The following PDE11A variants were observed in gnomAD, a reference collection of about 807,000 sequenced individuals.
PDE11A encodes phosphodiesterase 11A.
In PDE11A, 100 loss-of-function variants were observed where a neutral mutation model predicts 100.5. That is an observed-to-expected ratio of 1.00 (90% CI 0.85 to 1.18). The LOEUF (loss-of-function observed/expected upper bound fraction) is 1.18. PDE11A is among the 50% of genes most tolerant of loss of function. PDE11A has a pLI of 0.00. For synonymous variants in PDE11A, 381 were observed against 420.8 expected (o/e 0.91, Z 1.16); for missense variants, 1,141 against 1,152.6 (o/e 0.99, Z 0.15).
chr2:177,700,272 T>TA (rs113675101), intron 14 of PDE11A, among the ~76,000 whole-genome samples: 1 of 151,604 alleles, frequency 6.6e-6, no homozygotes, highest in East Asian at 1.9e-4. Context: ...AGGCTGGAGG[T>TA]AAAAAACCTC....
chr2:178,046,645 G>C (rs1248898534), intron 1 of PDE11A, among the ~76,000 whole-genome samples: 1 of 152,152 alleles, frequency 6.6e-6, no homozygotes, highest in African/African-American at 2.4e-5. Context: ...TTTCAAGTCA[G>C]GCAGGGCTGA....
intron 1 of PDE11A, among the ~76,000 whole-genome samples, chr2:178,036,734 T>C (rs2086619542): frequency 6.6e-6 from 1 of 152,190 alleles, no homozygotes; most frequent in Admixed American, 6.5e-5. Context: ...TACAATCATC[T>C]GATTTTCAAC....
intron 9 of PDE11A, among the ~76,000 whole-genome samples, chr2:177,786,223 C>T (rs558649815): frequency 2.0e-5 from 3 of 152,326 alleles, no homozygotes; most frequent in Admixed American, 6.5e-5. Context: ...GCAGCATTCG[C>T]GGTTCATGAA....
chr2:177,811,090 C>T (rs2082943240), intron 9 of PDE11A, among the ~76,000 whole-genome samples: 2 of 152,148 alleles, frequency 1.3e-5, no homozygotes, highest in South Asian at 4.1e-4. Flanking sequence ...CTGTGAAAGA[C>T]ACCCCAAAGG....
intron 6 of PDE11A, among the ~76,000 whole-genome samples, chr2:177,828,976 T>C (rs2083267330): frequency 6.6e-6 from 1 of 151,316 alleles, no homozygotes; most frequent in Admixed American, 6.6e-5. Flanking sequence ...GATTTGTACA[T>C]GAAATAGTAC....
chr2:177,734,583 G>A (rs1294752761), intron 10 of PDE11A, among the ~76,000 whole-genome samples: 1 of 152,082 alleles, frequency 6.6e-6, no homozygotes, highest in Non-Finnish European at 1.5e-5. Context: ...CCTTGTAGTT[G>A]CCTAGAACAC....
intron 2 of PDE11A, among the ~76,000 whole-genome samples, chr2:177,929,950 CA>C (rs1376592447): frequency 6.6e-6 from 1 of 152,124 alleles, no homozygotes; most frequent in Non-Finnish European, 1.5e-5. Flanking sequence ...TTATAATAAA[CA>C]AAATACACTC....
At chr2:177,966,288 C>G (rs2085696632) in intron 2 of PDE11A, among the ~76,000 whole-genome samples, 1 of 152,124 alleles carries the variant, frequency 6.6e-6, no homozygotes, top group Non-Finnish European at 1.5e-5. Flanking sequence ...GGTATAAAAT[C>G]ATATCATCTG....
chr2:177,789,491 C>T (rs1338627892), intron 9 of PDE11A, among the ~76,000 whole-genome samples: 2 of 151,564 alleles, frequency 1.3e-5, no homozygotes, highest in Non-Finnish European at 2.9e-5. Context: ...GACAGGGATG[C>T]CCTCTGTCAC....
chr2:178,087,495 C>A (rs182754963), intron 2 of PDE11A, among the ~76,000 whole-genome samples: 1 of 152,122 alleles, frequency 6.6e-6, no homozygotes, highest in African/African-American at 2.4e-5. Context: ...AGACAAAAAC[C>A]TCATGCTGTC....
chr2:177,791,068 C>T (rs535991090), intron 9 of PDE11A, among the ~76,000 whole-genome samples: 5 of 152,106 alleles, frequency 3.3e-5, no homozygotes, highest in Non-Finnish European at 7.4e-5. Flanking sequence ...AATCATGGTG[C>T]TATAAAGACA....
intron 1 of PDE11A, 93 bp downstream of exon 1, chr2:178,071,433 A>C: frequency 6.5e-7 from 1 of 1,538,592 alleles, no homozygotes; most frequent in South Asian, 1.1e-5. Flanking sequence ...TAAAGAGCCT[A>C]AATTAATGTG....
intron 2 of PDE11A, among the ~76,000 whole-genome samples, chr2:177,957,156 C>A (rs1476310306): frequency 6.6e-6 from 1 of 152,024 alleles, no homozygotes. Context: ...AAAATTATGT[C>A]ATCAACTGCA....
chr2:177,658,650 C>T (rs1203006432), intron 19 of PDE11A, among the ~76,000 whole-genome samples: 2 of 151,706 alleles, frequency 1.3e-5, no homozygotes, highest in Middle Eastern at 3.5e-3. Context: ...CTATCTCTTC[C>T]TTTCATCCAC....
chr2:177,755,224 G>A (rs73030354), intron 10 of PDE11A, among the ~76,000 whole-genome samples: 8,153 of 152,270 alleles, frequency 0.054, 228 homozygotes, highest in Middle Eastern at 0.14. Flanking sequence ...AAATCAGGGT[G>A]AGCATCAGTG....
chr2:177,961,670 T>C (rs2085635139), intron 2 of PDE11A, among the ~76,000 whole-genome samples: 1 of 152,168 alleles, frequency 6.6e-6, no homozygotes, highest in African/African-American at 2.4e-5. Flanking sequence ...AATTCCCACA[T>C]TTTTACTTAC....
Position 178,055,015 on chromosome 2 carries a change from A to G in PDE11A, c.912+16511T>C, listed in dbSNP as rs1040973652. 6.4e-4 allele frequency among the ~76,000 whole-genome samples: 97 copies of G among 152,352 alleles called. 1 individual carries two copies. Among genetic ancestry groups the G allele is most frequent in the African/African-American group, 2.2e-3 (91 of 41,570 alleles). ...TTACTGAGTATATACCCAAAGGATT[A>G]TAAATCATGCTGCTATAAAGACACA... On this transcript the variant is annotated intron_variant, in intron 1 of 19. Coordinates refer to ENST00000286063, the MANE Select transcript of PDE11A (RefSeq NM_016953.4).
chr2:177,730,279 A>C (rs1421316677), intron 10 of PDE11A, among the ~76,000 whole-genome samples: 1 of 152,012 alleles, frequency 6.6e-6, no homozygotes, highest in Non-Finnish European at 1.5e-5. Context: ...CCCTGTGTTC[A>C]ACTGTTCTCA....
At chr2:177,894,428 T>C (rs1294744788) in intron 4 of PDE11A, among the ~76,000 whole-genome samples, 1 of 152,172 alleles carries the variant, frequency 6.6e-6, no homozygotes, top group Non-Finnish European at 1.5e-5. Flanking sequence ...ATCCGTATGG[T>C]GTTACAGGAG....
Sources: gnomAD v4.1 joint callset for allele counts (sites outside exome capture counted in the v4.1 genomes callset) on GRCh38, gnomAD v4.1.1 for gene constraint, MANE v1.5 for transcripts, NCBI Gene and HGNC (gene_info 2026-07-23, HGNC 2026-07-21) for gene names.